Variants in TRPC7 observed in about 807,000 individuals in gnomAD.
TRPC7 encodes the protein short transient receptor potential channel 7.
In TRPC7, 42 loss-of-function variants were observed where a neutral mutation model predicts 90.1. The ratio of observed to expected loss-of-function variants is 0.47; its 90% CI spans 0.36 to 0.60. TRPC7 has a LOEUF of 0.60. TRPC7 is among the 20% of genes least tolerant of loss of function. TRPC7 has a pLI of 0.00. For synonymous variants in TRPC7, 451 were observed against 436.3 expected, an observed-to-expected ratio of 1.03 and a Z score of -0.42; for missense variants, 955 against 1,112.3, an observed-to-expected ratio of 0.86 and a Z score of 2.01.
intron 2 of TRPC7, among the ~76,000 whole-genome samples, chr5:136,332,325 G>T (rs112029400): frequency 3.4e-4 from 51 of 152,234 alleles, no homozygotes; most frequent in African/African-American, 1.2e-3. Context: ...GCAGGAGCAC[G>T]ATGATCAGAG....
chr5:136,361,671 G>T (rs1050771126), intron 1 of TRPC7, among the ~76,000 whole-genome samples: 2 of 152,070 alleles, frequency 1.3e-5, no homozygotes, highest in Non-Finnish European at 2.9e-5. Flanking sequence ...ATTCTCTATG[G>T]AAATTATCCA....
chr5:136,285,267 T>C (rs562028460), intron 3 of TRPC7, among the ~76,000 whole-genome samples: 2 of 152,224 alleles, frequency 1.3e-5, no homozygotes, highest in Non-Finnish European at 2.9e-5. Context: ...ATATGCATAG[T>C]GTGGATTTTT....
intron 4 of TRPC7, among the ~76,000 whole-genome samples, chr5:136,270,748 GTC>G (rs1757183834): frequency 6.6e-6 from 1 of 152,230 alleles, no homozygotes; most frequent in African/African-American, 2.4e-5. Context: ...CCTGGGCTAA[GTC>G]TGGGCTAAGT....
intron 5 of TRPC7, among the ~76,000 whole-genome samples, chr5:136,262,922 G>A (rs1229061061): frequency 1.3e-5 from 2 of 152,144 alleles, no homozygotes; most frequent in Non-Finnish European, 2.9e-5. Context: ...GGAAGGCTGA[G>A]GTGATTAGAT....
chr5:136,319,512 C>A (rs1759127365), intron 2 of TRPC7, among the ~76,000 whole-genome samples: 1 of 152,116 alleles, frequency 6.6e-6, no homozygotes, highest in African/African-American at 2.4e-5. Flanking sequence ...TCAATGACTA[C>A]TCTAATTTTC....
At chr5:136,250,755 A>T (rs1347752271) in intron 6 of TRPC7, among the ~76,000 whole-genome samples, 1 of 152,214 alleles carries the variant, frequency 6.6e-6, no homozygotes, top group East Asian at 1.9e-4. Context: ...TACATATGAG[A>T]AAAAAGAGCT....
At chr5:136,250,427 C>T (rs991104707) in intron 6 of TRPC7, among the ~76,000 whole-genome samples, 1 of 152,192 alleles carries the variant, frequency 6.6e-6, no homozygotes, top group Non-Finnish European at 1.5e-5. Context: ...AACACTCAAT[C>T]CCTTCAAGAT....
intron 2 of TRPC7, among the ~76,000 whole-genome samples, chr5:136,318,828 C>T (rs1759106675): frequency 6.6e-6 from 1 of 152,082 alleles, no homozygotes; most frequent in South Asian, 2.1e-4. Context: ...ACTGACTGTA[C>T]CTCCTTTTCA....
intron 2 of TRPC7, among the ~76,000 whole-genome samples, chr5:136,346,621 C>T (rs1352238692): frequency 6.6e-6 from 1 of 152,186 alleles, no homozygotes; most frequent in African/African-American, 2.4e-5. Flanking sequence ...TTGGTTTGTG[C>T]TTGGTCAATA....
At chr5:136,302,078 T>C (rs1758415801) in intron 3 of TRPC7, among the ~76,000 whole-genome samples, 1 of 152,194 alleles carries the variant, frequency 6.6e-6, no homozygotes, top group Non-Finnish European at 1.5e-5. Context: ...CTCACCCTTC[T>C]CTTAATTTCA....
intron 2 of TRPC7, among the ~76,000 whole-genome samples, chr5:136,323,749 A>G (rs1759268069): frequency 6.6e-6 from 1 of 152,164 alleles, no homozygotes; most frequent in African/African-American, 2.4e-5. Flanking sequence ...TTATCTTAAA[A>G]CTAGGTACTT....
intron 4 of TRPC7, among the ~76,000 whole-genome samples, chr5:136,272,132 G>C (rs1163676001): frequency 1.3e-5 from 2 of 152,128 alleles, no homozygotes; most frequent in Admixed American, 6.5e-5. Flanking sequence ...ATAATATCAA[G>C]GTCTAAGTTT....
chr5:136,297,279 T>TA (rs1328394748), intron 3 of TRPC7, among the ~76,000 whole-genome samples: 1 of 152,208 alleles, frequency 6.6e-6, no homozygotes, highest in Non-Finnish European at 1.5e-5. Flanking sequence ...GGGTCTTATT[T>TA]ATTCTATATT....
chr5:136,257,478 G>C (rs1479545849), intron 5 of TRPC7, among the ~76,000 whole-genome samples: 1 of 152,142 alleles, frequency 6.6e-6, no homozygotes, highest in South Asian at 2.1e-4. Flanking sequence ...ACCACTTCCG[G>C]CCTGAAATGT....
chr5:136,275,246 A>C (rs1231568178), intron 3 of TRPC7, among the ~76,000 whole-genome samples: 1 of 152,166 alleles, frequency 6.6e-6, no homozygotes, highest in Non-Finnish European at 1.5e-5. Flanking sequence ...TTTTGGAGTC[A>C]GACATGGGTG....
chr5:136,359,669 A>C (rs1295022214), intron 1 of TRPC7, among the ~76,000 whole-genome samples: 1 of 152,134 alleles, frequency 6.6e-6, no homozygotes, highest in Non-Finnish European at 1.5e-5. Flanking sequence ...GTTTTCAGAA[A>C]GAGAAAGTTA....
At chr5:136,226,840 T>C (rs931468150) in intron 8 of TRPC7, among the ~76,000 whole-genome samples, 1 of 152,216 alleles carries the variant, frequency 6.6e-6, no homozygotes, top group African/African-American at 2.4e-5. Context: ...TATAAAACAA[T>C]ATTAAGATAG....
chr5:136,268,029 G>C (rs776268572), intron 4 of TRPC7, among the ~76,000 whole-genome samples: 27 of 152,210 alleles, frequency 1.8e-4, no homozygotes, highest in Non-Finnish European at 3.5e-4. Flanking sequence ...GATAGAGATA[G>C]AGATAAAATG....
In TRPC7 at chr5:136,213,451, T is replaced by A; in HGVS notation, c.2573A>T (p.Lys858Met). The change falls in exon 12 of 12, where the codon AAG (lysine) becomes ATG (methionine). Residue 858 changes from lysine (K) to methionine (M), a missense_variant. This residue lies in a region of TRPC7 where 296 missense variants were observed against 422.7 expected (regional missense o/e 0.70). Transcript: ENST00000513104. ...TGTGGGCTGCTAAATGTCTTTGCCC[T>A]TGTTCACCCTCAGGTGGTCTTTGTT... Reference protein sequence around the residue: ...NLNKDHLRVNKGKDI With the variant: ...NLNKDHLRVNMGKDI The A allele has an allele frequency of 6.2e-7, 1 of 1,613,968 alleles. No homozygotes were observed. The highest frequency in any genetic ancestry group is 1.7e-4 in the Middle Eastern group (1 of 6,060).
Sources: allele counts gnomAD v4.1 joint callset (sites outside exome capture counted in the v4.1 genomes callset), GRCh38; gene constraint gnomAD v4.1.1; regional missense constraint gnomAD v4.1.1; transcripts MANE v1.5; gene names NCBI Gene and HGNC (gene_info 2026-07-23, HGNC 2026-07-21).